The following ABLIM3 variants were observed in gnomAD, a reference collection of about 807,000 sequenced individuals.
ABLIM3 encodes actin binding LIM protein family member 3.
Under a neutral mutation model 109.5 loss-of-function variants are expected in ABLIM3, and 61 were observed. That is an observed-to-expected ratio of 0.56 (90% confidence interval 0.45 to 0.69). The LOEUF (loss-of-function observed/expected upper bound fraction) is 0.69, where lower values mean the gene tolerates loss of function less well. ABLIM3 is among the 30% of genes least tolerant of loss of function. The pLI is 0.00. For missense variants in ABLIM3, 796 were observed against 889.5 expected, an observed-to-expected ratio of 0.89 and a Z score of 1.34; for synonymous variants, 300 against 324.8, an observed-to-expected ratio of 0.92 and a Z score of 0.82.
chr5:149,231,308 C>CT (rs1761834211), intron 9 of ABLIM3, among the ~76,000 whole-genome samples: 1 of 152,202 alleles, frequency 6.6e-6, no homozygotes, highest in African/African-American at 2.4e-5. Context: ...GTCAGGAAGG[C>CT]TTGTGAATCT....
chr5:149,168,720 C>G (rs1478548384), intron 2 of ABLIM3, among the ~76,000 whole-genome samples: 2 of 152,180 alleles, frequency 1.3e-5, no homozygotes, highest in East Asian at 3.8e-4. Context: ...AGAAAATATA[C>G]TTTGTAATAT....
rs1754064691 is a variant in ABLIM3 at position 149,252,838 on chromosome 5, G to GT, written c.1938+2dup. On this transcript the variant is annotated splice_donor_variant, in intron 23 of 23. Transcript: ENST00000309868. LOFTEE classifies it high-confidence loss of function. Reference sequence around the variant, plus strand: ...GGATGTAGACAGGACCCGTTTAGAGGTAAGTCTAAAAAACTGAGCAGGAGC... The same window carrying GT: ...GGATGTAGACAGGACCCGTTTAGAGGTTAAGTCTAAAAAACTGAGCAGGAGC... 2 of 1,612,150 alleles carry GT rather than the reference G, an allele frequency of 1.2e-6. No individual in the cohort carries two copies.
At chr5:149,253,912 C>A (rs1452961868) in intron 23 of ABLIM3, among the ~76,000 whole-genome samples, 1 of 152,198 alleles carries the variant, frequency 6.6e-6, no homozygotes, top group Admixed American at 6.5e-5. Context: ...GTTTAATGGT[C>A]TCACAGTTCC....
chr5:149,175,541 A>T (rs1272586646), intron 2 of ABLIM3, among the ~76,000 whole-genome samples: 1 of 152,090 alleles, frequency 6.6e-6, no homozygotes, highest in Non-Finnish European at 1.5e-5. Flanking sequence ...CTACTTGACT[A>T]CTTTGAAAGA....
At chr5:149,209,775 C>A (rs889395220) in intron 6 of ABLIM3, among the ~76,000 whole-genome samples, 2 of 152,164 alleles carry the variant, frequency 1.3e-5, no homozygotes, top group African/African-American at 4.8e-5. Context: ...CAAGTCCTTG[C>A]CTTGTGGGCA....
At chr5:149,257,765 AG>A (rs1754564507) in intron 23 of ABLIM3, among the ~76,000 whole-genome samples, 1 of 152,230 alleles carries the variant, frequency 6.6e-6, no homozygotes, top group Non-Finnish European at 1.5e-5. Flanking sequence ...TATCAGAAAA[AG>A]ATAAAAGGAC....
rs772825039 is a variant in ABLIM3, at chr5:149,240,654, G to T, written c.1205-22G>T. The T allele has an allele frequency of 4.4e-6, 7 of 1,601,492 alleles. No individual in the cohort carries two copies. The African/African-American group carries it at 8.0e-5, about 18-fold the overall frequency. ...TCTCTGTGCCTCTGTTTTCTTTGGCGACCACTTCCTGCGTGCTCCAGGGCC... is the reference window on the plus strand; with the variant it reads ...TCTCTGTGCCTCTGTTTTCTTTGGCTACCACTTCCTGCGTGCTCCAGGGCC... On this transcript the variant is annotated intron_variant, in intron 13 of 23. Transcript: ENST00000309868.
At chr5:149,175,528 G>A (rs1755847259) in intron 2 of ABLIM3, among the ~76,000 whole-genome samples, 1 of 152,030 alleles carries the variant, frequency 6.6e-6, no homozygotes, top group Non-Finnish European at 1.5e-5. Context: ...TGAGAACACA[G>A]ATCTACTTGA....
chr5:149,244,811 A>C, intron 15 of ABLIM3, 70 bp from the exon 16 acceptor site: 1 of 1,601,748 alleles, frequency 6.2e-7, no homozygotes, highest in Non-Finnish European at 8.5e-7. Context: ...TGGTAAAGAT[A>C]GGAAAAGGGT....
At position 149,141,589 on chromosome 5, in the gene ABLIM3, C is replaced by T; in HGVS notation, c.-153C>T. 1 of 156,946 alleles carries T rather than the reference C, an allele frequency of 6.4e-6. No homozygotes were observed. Among genetic ancestry groups the T allele is most frequent in the Admixed American group, 6.4e-5 (1 of 15,644 alleles). The allele number at this position is 156,946 out of a possible 1,614,324, so 9.7% of individuals were successfully genotyped here. On this transcript the variant is annotated 5_prime_UTR_variant, in exon 1 of 24. The change creates a premature stop within an existing upstream ORF in the 5' untranslated region. Transcript: ENST00000309868. ...GGAATTCGAGACCCCAGACGAGGAC[C>T]AGGATTCATGAAATCAGTCGCAGGG...
chr5:149,200,638 A>G (rs1038777521), intron 5 of ABLIM3: 1 of 585,740 alleles, frequency 1.7e-6, no homozygotes, highest in Non-Finnish European at 3.0e-6. Context: ...GCCTGGCCAT[A>G]AACAGTGGTA....
At chr5:149,176,559 A>G (rs79141124) in intron 2 of ABLIM3, among the ~76,000 whole-genome samples, 2,268 of 152,170 alleles carry the variant, frequency 0.015, 13 homozygotes, top group Non-Finnish European at 0.026. Context: ...GTGACCTTGG[A>G]CAAGGGGTCT....
At position 149,183,538 on chromosome 5, in the gene ABLIM3, G is replaced by C. The variant is rs1756660588; in HGVS notation, c.100G>C (p.Val34Leu). The C allele has an allele frequency of 6.3e-7, 1 of 1,596,938 alleles. No homozygotes were observed. Among genetic ancestry groups the C allele is most frequent in the Admixed American group, 1.7e-5 (1 of 57,406 alleles). The change falls in exon 3 of 24, where the codon GTG becomes CTG. Residue 34 changes from valine to leucine, a missense_variant. Transcript: ENST00000309868. Reference protein sequence around the residue: ...YRCGDTCKGEVVRVHNNHFHI... With the variant: ...YRCGDTCKGELVRVHNNHFHI... ...CTGTGGAGACACCTGCAAAGGGGAA[G>C]TGGTCCGCGTGCACAACAACCACTT...
intron 11 of ABLIM3, 123 bp from the exon 12 acceptor site, chr5:149,239,125 G>T: frequency 1.1e-6 from 1 of 930,664 alleles, no homozygotes; most frequent in Admixed American, 1.8e-5. Context: ...CTGGAGAGGG[G>T]TACAAAGGAA....
At chr5:149,192,620 G>A (rs140250405) in intron 3 of ABLIM3, among the ~76,000 whole-genome samples, 6,670 of 129,960 alleles carry the variant, frequency 0.051, 492 homozygotes, top group African/African-American at 0.18. Context: ...GCGAGACTCC[G>A]TCTCAAAAAA....
intron 2 of ABLIM3, among the ~76,000 whole-genome samples, chr5:149,173,817 C>G (rs1351572297): frequency 6.6e-6 from 1 of 151,984 alleles, no homozygotes; most frequent in Non-Finnish European, 1.5e-5. Context: ...GTCAGGAGAT[C>G]GAGACCATCA....
chr5:149,239,217 CACAA>C, intron 11 of ABLIM3, 27 bp from the exon 12 acceptor site: 1 of 1,613,284 alleles, frequency 6.2e-7, no homozygotes. Flanking sequence ...CTGCTCGTTC[CACAA>C]CTGCCTTCAA....
chr5:149,169,654 A>T (rs115292622), intron 2 of ABLIM3, among the ~76,000 whole-genome samples: 237 of 152,262 alleles, frequency 1.6e-3, no homozygotes, highest in Admixed American at 3.9e-3. Context: ...GTAAAGAGAG[A>T]GTCTGTTCAC....
At chr5:149,144,219 A>C (rs2127424277) in intron 2 of ABLIM3, among the ~76,000 whole-genome samples, 1 of 152,364 alleles carries the variant, frequency 6.6e-6, no homozygotes, top group East Asian at 1.9e-4. Context: ...ATGGCTCAGC[A>C]GCCTTGGAAG....
Sources: allele counts gnomAD v4.1 joint callset (sites outside exome capture counted in the v4.1 genomes callset), GRCh38; gene constraint gnomAD v4.1.1; transcripts MANE v1.5; gene names NCBI Gene and HGNC (gene_info 2026-07-23, HGNC 2026-07-21).